Variants in SUGCT observed in about 807,000 individuals in gnomAD.
SUGCT encodes the protein succinyl-CoA:glutarate-CoA transferase, also known as succinyl-CoA:glutarate CoA-transferase.
In SUGCT, 41 loss-of-function variants were observed where a neutral mutation model predicts 55.0. That is an observed-to-expected ratio of 0.74 (90% CI 0.58 to 0.97). SUGCT has a LOEUF of 0.97. SUGCT is among the 50% of genes least tolerant of loss of function. The pLI is 0.00. For missense variants in SUGCT, 568 were observed against 547.8 expected (o/e 1.04, Z -0.37); for synonymous variants, 187 against 200.4 (o/e 0.93, Z 0.56).
intron 9 of SUGCT, among the ~76,000 whole-genome samples, chr7:40,323,473 T>C (rs757233133): frequency 1.3e-5 from 2 of 152,020 alleles, no homozygotes; most frequent in South Asian, 4.2e-4. Flanking sequence ...TCATAGCACA[T>C]TGCAGCCTCA....
chr7:40,542,289 A>G (rs1456584725), intron 12 of SUGCT, among the ~76,000 whole-genome samples: 2 of 152,198 alleles, frequency 1.3e-5, no homozygotes, highest in African/African-American at 4.8e-5. Flanking sequence ...TGAGTAAACC[A>G]TGTCTCAAAG....
At chr7:40,850,979 G>A (rs958872537) in intron 13 of SUGCT, among the ~76,000 whole-genome samples, 1 of 152,066 alleles carries the variant, frequency 6.6e-6, no homozygotes, top group African/African-American at 2.4e-5. Flanking sequence ...CTGTTCTCAG[G>A]GATTCATAAG....
At chr7:40,517,658 T>G (rs1001779311) in intron 12 of SUGCT, among the ~76,000 whole-genome samples, 2 of 152,106 alleles carry the variant, frequency 1.3e-5, no homozygotes, top group Non-Finnish European at 2.9e-5. Context: ...ATGTTCTTAT[T>G]GAAATTTAGC....
At chr7:41,011,870 G>C in the SUGCT span, among the ~76,000 whole-genome samples, 1 of 151,974 alleles carries the variant, frequency 6.6e-6, no homozygotes, top group Non-Finnish European at 1.5e-5. Context: ...AATTCCTGCT[G>C]TTCCAACCCC....
intron 6 of SUGCT, among the ~76,000 whole-genome samples, chr7:40,220,764 T>C (rs951112655): frequency 1.3e-5 from 2 of 152,220 alleles, no homozygotes; most frequent in Non-Finnish European, 2.9e-5. Context: ...AAATTATTTA[T>C]TTTTGGAGTA....
intron 11 of SUGCT, among the ~76,000 whole-genome samples, chr7:40,489,308 A>T (rs1791553818): frequency 6.6e-6 from 1 of 151,820 alleles, no homozygotes; most frequent in Non-Finnish European, 1.5e-5. Context: ...GATTTTTAAA[A>T]ATTATTTTAA....
At chr7:40,835,309 A>G (rs1792905991) in intron 13 of SUGCT, among the ~76,000 whole-genome samples, 1 of 152,244 alleles carries the variant, frequency 6.6e-6, no homozygotes. Context: ...TAAGAACAAC[A>G]GAATTAAAAT....
At chr7:40,853,003 A>G (rs1330526341) in intron 13 of SUGCT, among the ~76,000 whole-genome samples, 1 of 151,862 alleles carries the variant, frequency 6.6e-6, no homozygotes, top group African/African-American at 2.4e-5. Context: ...AAGAAATGTT[A>G]CTAATTGATG....
At chr7:40,895,624 A>AT in the SUGCT span, among the ~76,000 whole-genome samples, 1 of 152,186 alleles carries the variant, frequency 6.6e-6, no homozygotes, top group Non-Finnish European at 1.5e-5. Context: ...CAGAAAAAAA[A>AT]TTTGAAAAAA....
At chr7:40,959,125 C>A in the SUGCT span, among the ~76,000 whole-genome samples, 2 of 152,206 alleles carry the variant, frequency 1.3e-5, no homozygotes, top group Non-Finnish European at 2.9e-5. Flanking sequence ...AGGTGTCTCC[C>A]AGTCAGGAGG....
At chr7:40,824,065 G>A (rs943294598) in intron 13 of SUGCT, among the ~76,000 whole-genome samples, 1 of 152,126 alleles carries the variant, frequency 6.6e-6, no homozygotes, top group South Asian at 2.1e-4. Context: ...TAGGGAAAGT[G>A]GAAGTCAGAA....
the SUGCT span, among the ~76,000 whole-genome samples, chr7:41,032,125 A>G: frequency 1.3e-5 from 2 of 152,174 alleles, no homozygotes; most frequent in Non-Finnish European, 2.9e-5. Flanking sequence ...CCACAGCTGT[A>G]AGGGCTGTAG....
intron 9 of SUGCT, among the ~76,000 whole-genome samples, chr7:40,362,104 C>T (rs1399603631): frequency 3.3e-5 from 5 of 152,000 alleles, no homozygotes; most frequent in African/African-American, 1.2e-4. Flanking sequence ...GCTGCATCAC[C>T]TTCTTGATTC....
At chr7:40,984,234 A>G in the SUGCT span, among the ~76,000 whole-genome samples, 5 of 152,158 alleles carry the variant, frequency 3.3e-5, no homozygotes, top group Non-Finnish European at 7.4e-5. Flanking sequence ...CACTCCAAAC[A>G]TGATTCACAT....
At chr7:40,962,259 G>T in the SUGCT span, among the ~76,000 whole-genome samples, 2 of 152,086 alleles carry the variant, frequency 1.3e-5, no homozygotes, top group Non-Finnish European at 1.5e-5. Flanking sequence ...ACTGGTTGGT[G>T]CATTTACAAT....
At position 40,589,046 on chromosome 7, in the gene SUGCT, C is replaced by G. The variant is rs183634281; in HGVS notation, c.1089+92660C>G. On this transcript the variant is annotated intron_variant, in intron 12 of 13. Transcript: ENST00000335693. ...CAAAGTATGATCTAATTAAAATAAT[C>G]TAAATAAAATTTTTTCTAAACTGAT... is the stretch of plus-strand genomic sequence containing the variant. Among the ~76,000 whole-genome samples, 19 of 152,046 alleles carry G rather than the reference C, an allele frequency of 1.2e-4. 1 individual carries two copies. Among genetic ancestry groups the G allele is most frequent in the Middle Eastern group, 3.4e-3 (1 of 294 alleles).
chr7:40,650,225 A>T (rs1261489349), intron 12 of SUGCT, among the ~76,000 whole-genome samples: 1 of 152,212 alleles, frequency 6.6e-6, no homozygotes, highest in Non-Finnish European at 1.5e-5. Context: ...GAAGAGAAAG[A>T]GGGCTGAGAC....
intron 2 of SUGCT, among the ~76,000 whole-genome samples, chr7:40,181,672 G>C (rs1248819495): frequency 6.6e-6 from 1 of 152,006 alleles, no homozygotes; most frequent in Non-Finnish European, 1.5e-5. Flanking sequence ...CATGAACCCA[G>C]GAGGTGGAGC....
At position 40,242,162 on chromosome 7, in the gene SUGCT, CTTTT is replaced by C. The variant is rs971149081; in HGVS notation, c.576+4442_576+4445del. On this transcript the variant is annotated intron_variant, in intron 7 of 13. Transcript: ENST00000335693. ...ACTTCCAGGTATGTTTTGACAAACTCTTTTTTTTTCTTTTCTTTTTTTTTTTTCA... is the reference window on the plus strand; with the variant it reads ...ACTTCCAGGTATGTTTTGACAAACTCTTTTTCTTTTCTTTTTTTTTTTTCA... 3.4e-5 allele frequency among the ~76,000 whole-genome samples: 5 copies of C among 147,226 alleles called. No individual in the cohort carries two copies. In the South Asian group the frequency reaches 1.1e-3, roughly 32 times the overall value.
Sources: allele counts gnomAD v4.1 joint callset (sites outside exome capture counted in the v4.1 genomes callset), GRCh38; gene constraint gnomAD v4.1.1; transcripts MANE v1.5; gene names NCBI Gene and HGNC (gene_info 2026-07-23, HGNC 2026-07-21).